Variants in KCNIP4 observed in about 807,000 individuals in gnomAD.
KCNIP4 encodes Kv channel-interacting protein 4.
Under a neutral mutation model 34.0 loss-of-function variants are expected in KCNIP4, and 12 were observed. The observed-to-expected ratio is 0.35, with a 90% CI of 0.23 to 0.57. The LOEUF (loss-of-function observed/expected upper bound fraction) is 0.57. Ranked by LOEUF, KCNIP4 falls within the 20% of genes least tolerant of loss-of-function variation. The pLI, the probability that KCNIP4 is intolerant of heterozygous loss-of-function variation, is 0.83. For synonymous variants in KCNIP4, 124 were observed against 102.2 expected, an observed-to-expected ratio of 1.21 and a Z score of -1.29; for missense variants, 238 against 311.7, an observed-to-expected ratio of 0.76 and a Z score of 1.78.
intron 1 of KCNIP4, among the ~76,000 whole-genome samples, chr4:21,190,102 A>G (rs1240319292): frequency 6.6e-6 from 1 of 152,030 alleles, no homozygotes; most frequent in Non-Finnish European, 1.5e-5. Flanking sequence ...GCCATTTCCC[A>G]CTCCTGAATA....
intron 1 of KCNIP4, among the ~76,000 whole-genome samples, chr4:21,295,478 C>T (rs1359076751): frequency 3.3e-5 from 5 of 152,056 alleles, no homozygotes; most frequent in Non-Finnish European, 5.9e-5. Flanking sequence ...TAGGATATGA[C>T]CTTGGCTCTC....
intron 1 of KCNIP4, among the ~76,000 whole-genome samples, chr4:21,736,548 T>C (rs1302802323): frequency 2.0e-5 from 3 of 152,232 alleles, no homozygotes; most frequent in East Asian, 3.9e-4. Context: ...GGCAACAGAA[T>C]GCCCACATTT....
At chr4:21,428,711 A>G (rs1488696584) in intron 1 of KCNIP4, among the ~76,000 whole-genome samples, 12 of 152,236 alleles carry the variant, frequency 7.9e-5, no homozygotes, top group Admixed American at 7.8e-4. Context: ...AATGGTAGGA[A>G]TCAAGGTGCA....
intron 1 of KCNIP4, among the ~76,000 whole-genome samples, chr4:21,317,679 T>C (rs1269412964): frequency 6.6e-6 from 1 of 152,212 alleles, no homozygotes; most frequent in Non-Finnish European, 1.5e-5. Context: ...TGAGAACTGA[T>C]ATGGTTTGGC....
At chr4:21,260,220 G>A (rs1174713317) in intron 1 of KCNIP4, among the ~76,000 whole-genome samples, 1 of 152,076 alleles carries the variant, frequency 6.6e-6, no homozygotes. Flanking sequence ...TTCATAAAAG[G>A]TCAATTTGAA....
chr4:21,716,567 G>A (rs1006813732), intron 1 of KCNIP4, among the ~76,000 whole-genome samples: 2 of 152,138 alleles, frequency 1.3e-5, no homozygotes, highest in Admixed American at 6.5e-5. Context: ...CTGAGAAGAG[G>A]CAGAAACGGC....
intron 1 of KCNIP4, among the ~76,000 whole-genome samples, chr4:20,937,045 TGAAAG>T (rs1462519185): frequency 6.6e-6 from 1 of 151,810 alleles, no homozygotes; most frequent in African/African-American, 2.4e-5. Flanking sequence ...TTTGGCATTA[TGAAAG>T]GAAAGAAGAG....
intron 1 of KCNIP4, among the ~76,000 whole-genome samples, chr4:21,338,949 C>T: frequency 6.6e-6 from 1 of 152,078 alleles, no homozygotes. Context: ...GAGTTAGCTC[C>T]TGTAGGTTCT....
At chr4:20,749,136 T>G (rs1753085879) in intron 5 of KCNIP4, among the ~76,000 whole-genome samples, 1 of 144,072 alleles carries the variant, frequency 6.9e-6, no homozygotes, top group East Asian at 2.0e-4. Flanking sequence ...CCAGCCTTTA[T>G]GACAGAGCGA....
intron 1 of KCNIP4, among the ~76,000 whole-genome samples, chr4:20,955,843 A>G (rs1333153487): frequency 3.9e-5 from 6 of 152,240 alleles, no homozygotes; most frequent in Non-Finnish European, 8.8e-5. Flanking sequence ...TTAGTTCCAT[A>G]TTAAGTAATA....
intron 3 of KCNIP4, among the ~76,000 whole-genome samples, chr4:20,824,103 G>A (rs1717425632): frequency 1.3e-5 from 2 of 152,096 alleles, no homozygotes; most frequent in Admixed American, 6.5e-5. Context: ...ATATTAACAT[G>A]ACATTTGAAC....
intron 1 of KCNIP4, among the ~76,000 whole-genome samples, chr4:21,280,462 C>G (rs182349787): frequency 6.6e-6 from 1 of 152,228 alleles, no homozygotes; most frequent in Non-Finnish European, 1.5e-5. Context: ...CTCTAATTTG[C>G]ACCATCATTT....
chr4:20,785,796 C>T (rs971476122), intron 3 of KCNIP4, among the ~76,000 whole-genome samples: 3 of 151,758 alleles, frequency 2.0e-5, no homozygotes, highest in Admixed American at 1.3e-4. Context: ...CATTGTAAGT[C>T]CCCAATCTAT....
At chr4:21,372,194 C>T (rs969878) in intron 1 of KCNIP4, among the ~76,000 whole-genome samples, 137,905 of 146,768 alleles carry the variant, frequency 0.94, 65,676 homozygotes, top group Non-Finnish European at 0.97. Context: ...TCTAGAAGGC[C>T]AAATTATAAA....
At chr4:21,728,798 A>G (rs1023331150) in intron 1 of KCNIP4, among the ~76,000 whole-genome samples, 5 of 152,068 alleles carry the variant, frequency 3.3e-5, no homozygotes, top group African/African-American at 1.2e-4. Flanking sequence ...GGAGATCTCT[A>G]TGTCTCATTG....
chr4:21,057,931 A>C (rs531878769), intron 1 of KCNIP4, among the ~76,000 whole-genome samples: 1 of 152,330 alleles, frequency 6.6e-6, no homozygotes, highest in Non-Finnish European at 1.5e-5. Context: ...TTTCCAAAGA[A>C]GGAAGAAAAA....
chr4:21,548,146 T>C (rs2045283134), intron 1 of KCNIP4, among the ~76,000 whole-genome samples: 1 of 152,156 alleles, frequency 6.6e-6, no homozygotes, highest in Non-Finnish European at 1.5e-5. Flanking sequence ...CACAGCAGTG[T>C]CACCAGAATA....
At chr4:21,126,395 G>A (rs1272287883) in intron 1 of KCNIP4, among the ~76,000 whole-genome samples, 1 of 151,996 alleles carries the variant, frequency 6.6e-6, no homozygotes, top group Non-Finnish European at 1.5e-5. Context: ...ATTTCTTTTG[G>A]TAGTGAGAGC....
At chr4:21,334,802 T>C (rs1716010067) in intron 1 of KCNIP4, among the ~76,000 whole-genome samples, 1 of 152,110 alleles carries the variant, frequency 6.6e-6, no homozygotes, top group Non-Finnish European at 1.5e-5. Flanking sequence ...TCAGATCATA[T>C]AATGTGAAAG....
Sources: allele counts gnomAD v4.1 joint callset (sites outside exome capture counted in the v4.1 genomes callset), GRCh38; gene constraint gnomAD v4.1.1; transcripts MANE v1.5; gene names NCBI Gene and HGNC (gene_info 2026-07-23, HGNC 2026-07-21).